ADAMTS20: variants seen among roughly 807,000 people sequenced by gnomAD.
ADAMTS20 encodes the protein ADAM metallopeptidase with thrombospondin type 1 motif 20, also known as A disintegrin and metalloproteinase with thrombospondin motifs 20.
In ADAMTS20, 225 loss-of-function variants were observed where a neutral mutation model predicts 260.1. The observed-to-expected ratio is 0.87, with a 90% confidence interval of 0.78 to 0.97. ADAMTS20 has a LOEUF of 0.97. ADAMTS20 is among the 50% of genes least tolerant of loss of function. The pLI is 0.00. For synonymous variants in ADAMTS20, 802 were observed against 769.5 expected, an observed-to-expected ratio of 1.04 and a Z score of -0.70; for missense variants, 2,400 against 2,337.7, an observed-to-expected ratio of 1.03 and a Z score of -0.55.
chr12:43,478,596 T>C (rs1942395027), intron 7 of ADAMTS20, among the ~76,000 whole-genome samples: 1 of 152,118 alleles, frequency 6.6e-6, no homozygotes, highest in Non-Finnish European at 1.5e-5. Flanking sequence ...TTAATGAAAC[T>C]GCTTTATATT....
At chr12:43,420,830 TGGGG>T (rs1196524185) in intron 28 of ADAMTS20, among the ~76,000 whole-genome samples, 1 of 133,192 alleles carries the variant, frequency 7.5e-6, no homozygotes, top group African/African-American at 2.9e-5. Flanking sequence ...TTTTTTGAGA[TGGGG>T]TCTCGGTCTG....
intron 6 of ADAMTS20, among the ~76,000 whole-genome samples, chr12:43,492,197 G>A (rs1014954825): frequency 1.2e-4 from 18 of 152,102 alleles, no homozygotes; most frequent in South Asian, 6.2e-4. Context: ...TGGCTAACAC[G>A]GTGAAACCCC....
chr12:43,531,312 AT>A (rs568199356), intron 3 of ADAMTS20, among the ~76,000 whole-genome samples: 1 of 151,528 alleles, frequency 6.6e-6, no homozygotes, highest in African/African-American at 2.4e-5. Flanking sequence ...AGGTTCAGGA[AT>A]TTTTTTTTCA....
intron 28 of ADAMTS20, chr12:43,423,578 GTCT>G (rs751447978): frequency 5.3e-5 from 32 of 602,430 alleles, no homozygotes; most frequent in Non-Finnish European, 8.8e-5. Context: ...GTAATCCACA[GTCT>G]TCTTAAGAAC....
At chr12:43,397,405 C>G (rs1010814418) in intron 29 of ADAMTS20, among the ~76,000 whole-genome samples, 27 of 152,112 alleles carry the variant, frequency 1.8e-4, no homozygotes, top group African/African-American at 6.5e-4. Flanking sequence ...TGAGCTCACA[C>G]TATGTGAATG....
intron 9 of ADAMTS20, among the ~76,000 whole-genome samples, 160 bp downstream of exon 9, chr12:43,466,492 A>C (rs4988573): frequency 0.46 from 69,802 of 151,496 alleles, 16,965 homozygotes; most frequent in East Asian, 0.89. Context: ...TGTACACATG[A>C]ACACAACTCT....
At chr12:43,369,164 C>A (rs778523006) in intron 37 of ADAMTS20, 126 bp downstream of exon 37, 3 of 502,030 alleles carry the variant, frequency 6.0e-6, no homozygotes, top group Non-Finnish European at 9.7e-6. Context: ...AAACAAAGCG[C>A]ATATGTGAAG....
rs1941630933 is a variant in ADAMTS20, at chr12:43,439,983, T to C, written c.2377A>G (p.Arg793Gly). 3 of 1,594,456 alleles carry C rather than the reference T, an allele frequency of 1.9e-6. No individual in the cohort carries two copies. The highest frequency in any genetic ancestry group is 2.6e-6 in the Non-Finnish European group (3 of 1,168,758). ...SKKEINVQGT[R>G]TVIEYSGSNN... ...GATCCACTGTATTCAATAACAGTTC[T>C]TGTTCCTTGCACATTGATTTCTTTT... Residue 793 changes from arginine to glycine, a missense_variant, in exon 17 of 39, where the codon AGA (arginine) becomes GGA (glycine). Arg to Gly is a moderately radical substitution (Grantham distance 125). Coordinates refer to ENST00000389420, the MANE Select transcript of ADAMTS20 (RefSeq NM_025003.5).
At chr12:43,549,816 A>G (rs1313540192) in intron 2 of ADAMTS20, among the ~76,000 whole-genome samples, 1 of 152,216 alleles carries the variant, frequency 6.6e-6, no homozygotes, top group Non-Finnish European at 1.5e-5. Flanking sequence ...AAGAGCTCAC[A>G]TCCAGGAAGA....
intron 28 of ADAMTS20, among the ~76,000 whole-genome samples, chr12:43,416,768 C>A (rs538455966): frequency 6.6e-6 from 1 of 151,874 alleles, no homozygotes; most frequent in South Asian, 2.1e-4. Context: ...GTGATCCGAC[C>A]GCCTCGGCCT....
chr12:43,493,235 C>T lies in ADAMTS20; in HGVS notation c.886G>A (p.Asp296Asn). ...LMSIVATIYK[D>N]PSIGNLIHIV... The stretch of plus-strand genomic sequence containing the variant: ...TGTATCAAATTTCCAATACTTGGAT[C>T]TTTGTAGATTGTTGCAACCTGCATG... Residue 296 changes from aspartate (D) to asparagine (N), a missense_variant, in exon 5 of 39, where the codon GAT (aspartate) becomes AAT (asparagine). Transcript: ENST00000389420. The T allele has an allele frequency of 6.4e-7, 1 of 1,555,926 alleles. No homozygotes were observed. Among genetic ancestry groups the T allele is most frequent in the Non-Finnish European group, 8.7e-7 (1 of 1,149,072 alleles).
chr12:43,450,605 C>G (rs1036332332), intron 14 of ADAMTS20, among the ~76,000 whole-genome samples: 2 of 152,098 alleles, frequency 1.3e-5, no homozygotes, highest in African/African-American at 4.8e-5. Flanking sequence ...TTTGGGTGAA[C>G]AGCCTTTATC....
intron 2 of ADAMTS20, among the ~76,000 whole-genome samples, chr12:43,545,999 C>T: frequency 6.6e-6 from 1 of 151,776 alleles, no homozygotes; most frequent in Non-Finnish European, 1.5e-5. Flanking sequence ...CATGAATAGC[C>T]AAAAGAGGTT....
At chr12:43,356,868 C>T (rs1396303415) in intron 37 of ADAMTS20, among the ~76,000 whole-genome samples, 1 of 152,182 alleles carries the variant, frequency 6.6e-6, no homozygotes, top group African/African-American at 2.4e-5. Flanking sequence ...TTGCTAACTT[C>T]TATGCTGTTT....
intron 7 of ADAMTS20, among the ~76,000 whole-genome samples, chr12:43,480,521 G>A (rs890752874): frequency 6.6e-6 from 1 of 152,050 alleles, no homozygotes; most frequent in African/African-American, 2.4e-5. Flanking sequence ...TTTCCATAAT[G>A]GCTGTAGTAA....
chr12:43,546,561 C>G (rs570300974), intron 2 of ADAMTS20, among the ~76,000 whole-genome samples: 11 of 152,084 alleles, frequency 7.2e-5, no homozygotes, highest in African/African-American at 2.7e-4. Context: ...CAAGTATATG[C>G]CAACTTATTA....
At chr12:43,396,569 G>A (rs1940708400) in intron 29 of ADAMTS20, among the ~76,000 whole-genome samples, 1 of 152,062 alleles carries the variant, frequency 6.6e-6, no homozygotes, top group Non-Finnish European at 1.5e-5. Flanking sequence ...CAGAGATTTG[G>A]GGACTGTGTG....
intron 14 of ADAMTS20, 121 bp from the exon 15 acceptor site, chr12:43,446,833 T>TAGATAACTCTC (rs1316251877): frequency 1.3e-6 from 1 of 768,380 alleles, no homozygotes; most frequent in Admixed American, 2.2e-5. Context: ...CACAGAAATA[T>TAGATAACTCTC]AGATAACTCT....
At chr12:43,543,116 A>T (rs1349297435) in intron 2 of ADAMTS20, among the ~76,000 whole-genome samples, 1 of 152,170 alleles carries the variant, frequency 6.6e-6, no homozygotes, top group Non-Finnish European at 1.5e-5. Flanking sequence ...TCTGGTCAAC[A>T]TAGGGGAACA....
Sources: allele counts gnomAD v4.1 joint callset (sites outside exome capture counted in the v4.1 genomes callset), GRCh38; gene constraint gnomAD v4.1.1; transcripts MANE v1.5; gene names NCBI Gene and HGNC (gene_info 2026-07-23, HGNC 2026-07-21).